Variants in PTPRN2 observed in about 807,000 individuals in gnomAD.
PTPRN2 encodes receptor-type tyrosine-protein phosphatase N2.
PTPRN2 carries 74 observed loss-of-function variants against 118.8 expected under a neutral mutation model. That is an observed-to-expected ratio of 0.62 (90% CI 0.52 to 0.76). The LOEUF (loss-of-function observed/expected upper bound fraction) is 0.76. Among genes scored for constraint, PTPRN2 ranks in the 30% least tolerant of loss-of-function variants. The pLI is 0.00. For missense variants in PTPRN2, 1,481 were observed against 1,394.4 expected (o/e 1.06, Z -0.99); for synonymous variants, 641 against 608.0 (o/e 1.05, Z -0.80).
intron 11 of PTPRN2, among the ~76,000 whole-genome samples, chr7:157,910,794 T>TGC (rs530834326): frequency 4.0e-4 from 61 of 152,382 alleles, no homozygotes; most frequent in Middle Eastern, 3.4e-3. Context: ...TGTGATCCAC[T>TGC]GCGCGGCAAC....
chr7:157,871,090 C>T (rs1811019219), intron 12 of PTPRN2, among the ~76,000 whole-genome samples: 1 of 152,148 alleles, frequency 6.6e-6, no homozygotes, highest in South Asian at 2.1e-4. Flanking sequence ...GCCTGGACTT[C>T]CTTACGAAGA....
At chr7:157,921,383 T>C (rs1013509421) in intron 11 of PTPRN2, among the ~76,000 whole-genome samples, 24 of 152,160 alleles carry the variant, frequency 1.6e-4, no homozygotes, top group Admixed American at 1.5e-3. Flanking sequence ...ACCACTCTGT[T>C]TGATGCTATG....
chr7:157,541,316 G>A (rs913213405), intron 22 of PTPRN2, among the ~76,000 whole-genome samples: 4 of 152,174 alleles, frequency 2.6e-5, no homozygotes, highest in South Asian at 2.1e-4. Context: ...AACCCACTCC[G>A]TTCCACATGC....
chr7:158,133,565 G>A, intron 9 of PTPRN2, 112 bp downstream of exon 9: 1 of 1,420,360 alleles, frequency 7.0e-7, no homozygotes, highest in Non-Finnish European at 9.4e-7. Context: ...TTATTCAGTT[G>A]AAGACACTTA....
intron 12 of PTPRN2, among the ~76,000 whole-genome samples, chr7:157,888,998 G>C (rs182657731): frequency 6.6e-6 from 1 of 152,328 alleles, no homozygotes; most frequent in African/African-American, 2.4e-5. Flanking sequence ...AGGGATACAT[G>C]AGACTTCTTT....
chr7:158,293,942 C>T (rs1193877615), intron 3 of PTPRN2, among the ~76,000 whole-genome samples: 3 of 152,214 alleles, frequency 2.0e-5, no homozygotes, highest in Admixed American at 2.0e-4. Context: ...TCCTGAAGGA[C>T]CTGCCTGAGT....
In PTPRN2 at chr7:157,674,358, G is replaced by A. The variant is rs1276411389; in HGVS notation, c.2001+8367C>T. Among the ~76,000 whole-genome samples the A allele has an allele frequency of 1.3e-5, 2 of 152,264 alleles. No individual in the cohort carries two copies. Among genetic ancestry groups the A allele is most frequent in the Non-Finnish European group, 2.9e-5 (2 of 68,012 alleles). On this transcript the variant is annotated intron_variant, in intron 13 of 22. Transcript: ENST00000389418. This position sits in a 1 kb window ranked among gnomAD's most constrained non-coding sequence, Gnocchi z 4.5. ...CGGCAGATCAGCCTTCCTTATCCACGTCCTCGAAGTGATCCCCGTTTGACA... is the reference window on the plus strand; with the variant it reads ...CGGCAGATCAGCCTTCCTTATCCACATCCTCGAAGTGATCCCCGTTTGACA...
intron 21 of PTPRN2, among the ~76,000 whole-genome samples, chr7:157,561,460 G>A (rs1305438012): frequency 6.6e-6 from 1 of 152,248 alleles, no homozygotes; most frequent in Non-Finnish European, 1.5e-5. Flanking sequence ...CTGGAGCCCT[G>A]GAACACACCA....
intron 6 of PTPRN2, among the ~76,000 whole-genome samples, chr7:158,150,061 C>T (rs1046232856): frequency 6.6e-6 from 1 of 152,116 alleles, no homozygotes; most frequent in Admixed American, 6.6e-5. Context: ...GATAAGAAAA[C>T]AGAGTCATCT....
chr7:158,385,792 G>C (rs569324802), intron 2 of PTPRN2, among the ~76,000 whole-genome samples: 1 of 152,094 alleles, frequency 6.6e-6, no homozygotes, highest in Non-Finnish European at 1.5e-5. Context: ...GACCTTGTGC[G>C]TCTCTCCTGT....
intron 1 of PTPRN2, among the ~76,000 whole-genome samples, chr7:158,587,343 C>T (rs1266813996): frequency 9.2e-6 from 1 of 108,178 alleles, no homozygotes; most frequent in Non-Finnish European, 1.9e-5. Flanking sequence ...ATTGAGGCGC[C>T]TTCCCTGCAT....
chr7:157,744,029 C>T (rs991587048), intron 12 of PTPRN2, among the ~76,000 whole-genome samples: 1 of 152,246 alleles, frequency 6.6e-6, no homozygotes, highest in Non-Finnish European at 1.5e-5. Context: ...CGGGGCACGA[C>T]TCTGACGCAG....
rs201302949 is a variant in PTPRN2 at position 157,801,068 on chromosome 7, CATATATAT to C, written c.1788+97597_1788+97604del. 6.8e-6 allele frequency among the ~76,000 whole-genome samples: 1 copy of C among 147,350 alleles called. No individual in the cohort carries two copies. The highest frequency in any genetic ancestry group is 1.5e-5 in the Non-Finnish European group (1 of 66,742). ...ACACATATATACACATATATATACA[CATATATAT>C]ACACACACACACACATATATATATG... is the stretch of plus-strand genomic sequence containing the variant. On this transcript the variant is annotated intron_variant, in intron 12 of 22. Transcript: ENST00000389418. This position sits in a 1 kb window ranked among gnomAD's most constrained non-coding sequence, Gnocchi z 4.2.
chr7:157,954,752 C>A (rs555835515), intron 11 of PTPRN2, among the ~76,000 whole-genome samples: 1 of 152,254 alleles, frequency 6.6e-6, no homozygotes, highest in East Asian at 1.9e-4. Context: ...GTGGGGGTGG[C>A]CTCTCCCATG....
At chr7:157,921,365 A>G (rs2128769919) in intron 11 of PTPRN2, among the ~76,000 whole-genome samples, 1 of 152,354 alleles carries the variant, frequency 6.6e-6, no homozygotes, top group South Asian at 2.1e-4. Context: ...GGCTTTCATG[A>G]CAGGGAAACC....
At chr7:157,930,764 T>A (rs568035574) in intron 11 of PTPRN2, among the ~76,000 whole-genome samples, 1 of 152,346 alleles carries the variant, frequency 6.6e-6, no homozygotes, top group East Asian at 1.9e-4. Context: ...GGAGTGGGCG[T>A]GCCACACTTC....
rs569429918 is a variant in PTPRN2 at position 157,684,981 on chromosome 7, C to T, written c.1789-2044G>A. Among the ~76,000 whole-genome samples, 91 of 152,026 alleles carry T rather than the reference C, an allele frequency of 6.0e-4. 1 individual carries two copies. The highest frequency in any genetic ancestry group is 2.2e-3 in the African/African-American group (90 of 41,532). On this transcript the variant is annotated intron_variant, in intron 12 of 22. Transcript: ENST00000389418. ...GGACAGGGGCCGGGTCCTCTGCCCA[C>T]CCCAGGGTCCATGTTCGCCTGCGGG...
chr7:158,522,380 A>C (rs570225989), intron 1 of PTPRN2, among the ~76,000 whole-genome samples: 5 of 141,922 alleles, frequency 3.5e-5, no homozygotes, highest in Admixed American at 6.9e-5. Context: ...CTCGGGAGGG[A>C]GGTCCACGTC....
chr7:157,965,142 T>A (rs1465550998), intron 11 of PTPRN2, among the ~76,000 whole-genome samples: 1 of 151,714 alleles, frequency 6.6e-6, no homozygotes, highest in South Asian at 2.1e-4. Flanking sequence ...TGGGAGAGAG[T>A]TGGAAAGGGA....
Sources: allele counts gnomAD v4.1 joint callset (sites outside exome capture counted in the v4.1 genomes callset), GRCh38; gene constraint gnomAD v4.1.1; non-coding constraint Gnocchi (gnomAD v3.1); transcripts MANE v1.5; gene names NCBI Gene and HGNC (gene_info 2026-07-23, HGNC 2026-07-21).